The following CLPB variants were observed in gnomAD, a reference collection of about 807,000 sequenced individuals.
CLPB encodes the protein ClpB family mitochondrial disaggregase.
CLPB carries 40 observed loss-of-function variants against 78.4 expected under a neutral mutation model. The ratio of observed to expected loss-of-function variants is 0.51; its 90% CI spans 0.40 to 0.66. The LOEUF (loss-of-function observed/expected upper bound fraction) is 0.66. Among genes scored for constraint, CLPB ranks in the 30% least tolerant of loss-of-function variants. CLPB has a pLI of 0.00. For missense variants in CLPB, 780 were observed against 886.9 expected, an observed-to-expected ratio of 0.88 and a Z score of 1.53; for synonymous variants, 333 against 348.0, an observed-to-expected ratio of 0.96 and a Z score of 0.48.
At position 72,291,956 on chromosome 11, in the gene CLPB, T is replaced by C. The variant is rs1482948904; in HGVS notation, c.*1411A>G. On this transcript the variant is annotated 3_prime_UTR_variant, in exon 16 of 16. Transcript: ENST00000538039. ...TACTCGGGAGGCTGAGGCAGGAGAA[T>C]GGCGTGAACCTGGGAGGCAGGGCTT... The C allele has an allele frequency of 1.4e-5, 2 of 138,806 alleles. No homozygotes were observed. The highest frequency in any genetic ancestry group is 3.0e-5 in the Non-Finnish European group (2 of 66,428). 8.6% of individuals were successfully genotyped at this position (138,806 alleles called of 1,614,324 possible).
At chr11:72,377,255 T>C (rs954476640) in intron 4 of CLPB, among the ~76,000 whole-genome samples, 3 of 152,328 alleles carry the variant, frequency 2.0e-5, no homozygotes, top group Middle Eastern at 3.4e-3. Context: ...ATCCTGACCA[T>C]GTGCTCTAGG....
At chr11:72,375,829 A>C (rs755208074) in intron 4 of CLPB, among the ~76,000 whole-genome samples, 6 of 152,248 alleles carry the variant, frequency 3.9e-5, no homozygotes, top group Non-Finnish European at 8.8e-5. Flanking sequence ...GAAACTAATA[A>C]GCAATTACAA....
chr11:72,370,777 T>C (rs1191293514), intron 4 of CLPB, among the ~76,000 whole-genome samples: 2 of 152,320 alleles, frequency 1.3e-5, no homozygotes, highest in East Asian at 3.9e-4. Context: ...ATCAATATTA[T>C]CTGCTACCCT....
At chr11:72,380,138 C>A in intron 4 of CLPB, 143 bp downstream of exon 4, 1 of 651,338 alleles carries the variant, frequency 1.5e-6, no homozygotes. Context: ...GTTCCAAGCC[C>A]TTTGGGGTCT....
At chr11:72,413,388 T>TG (rs1855934001) in intron 2 of CLPB, among the ~76,000 whole-genome samples, 1 of 151,708 alleles carries the variant, frequency 6.6e-6, no homozygotes, top group African/African-American at 2.4e-5. Flanking sequence ...CCTTTTCTAT[T>TG]TTTTTTTGCT....
rs144832068 is a variant in CLPB, at chr11:72,380,092, CA to C, written c.646+188del. 0.026 allele frequency among the ~76,000 whole-genome samples: 3,945 copies of C among 152,198 alleles called. 184 individuals are homozygous for C. The highest frequency in any genetic ancestry group is 0.091 in the African/African-American group (3,773 of 41,498). ...TTCCCCAAGACTTCTTTTGAAGTGA[CA>C]TAAAGTTAGAGCCAGGGGACTGTGA... On this transcript the variant is annotated intron_variant, in intron 4 of 15. Coordinates refer to ENST00000538039, the MANE Select transcript of CLPB (RefSeq NM_001258392.3).
chr11:72,309,730 C>T (rs529126197), intron 7 of CLPB, among the ~76,000 whole-genome samples: 5 of 152,186 alleles, frequency 3.3e-5, no homozygotes, highest in Admixed American at 3.3e-4. Context: ...AATGGAAACA[C>T]GGCAGTCAGG....
In CLPB at chr11:72,294,307, T is replaced by C; in HGVS notation, c.1680+18A>G. The stretch of plus-strand genomic sequence containing the variant: ...TGGCTGGCTATCCCGCCCCCACCCA[T>C]GGGCAGTTCCCTCTTACTCTCTTGG... On this transcript the variant is annotated intron_variant, in intron 14 of 15. Transcript: ENST00000538039. 6.2e-7 allele frequency: 1 copy of C among 1,605,882 alleles called. No individual in the cohort carries two copies. Among genetic ancestry groups the C allele is most frequent in the African/African-American group, 1.3e-5 (1 of 74,872 alleles).
chr11:72,315,226 G>C (rs555967028), intron 7 of CLPB, among the ~76,000 whole-genome samples: 1 of 152,178 alleles, frequency 6.6e-6, no homozygotes, highest in Non-Finnish European at 1.5e-5. Context: ...CAGAACACAG[G>C]AGATGAGCAG....
intron 6 of CLPB, among the ~76,000 whole-genome samples, chr11:72,319,347 G>A (rs117217761): frequency 0.032 from 4,817 of 152,326 alleles, 116 homozygotes; most frequent in Non-Finnish European, 0.04. Flanking sequence ...CTGGCTCACA[G>A]CAGGCGTCAA....
At chr11:72,380,179 G>T in intron 4 of CLPB, 102 bp downstream of exon 4, 1 of 854,502 alleles carries the variant, frequency 1.2e-6, no homozygotes, top group South Asian at 1.5e-5. Flanking sequence ...AGAACATGCA[G>T]GCTGTCACTC....
rs924979175 is a variant in CLPB, at chr11:72,358,732, G to A, written c.775+148C>T. ...TCTCTAGCTCTAGGAGGATAACAGGGCTCTGGGGAAGTATGTTATTTCCAG... is the reference window on the plus strand; with the variant it reads ...TCTCTAGCTCTAGGAGGATAACAGGACTCTGGGGAAGTATGTTATTTCCAG... On this transcript the variant is annotated intron_variant, in intron 5 of 15. Coordinates refer to ENST00000538039, the MANE Select transcript of CLPB (RefSeq NM_001258392.3). 7.2e-6 allele frequency: 5 copies of A among 699,292 alleles called. No homozygotes were observed. In the African/African-American group the frequency reaches 7.2e-5, roughly 10 times the overall value. 43.3% of individuals were successfully genotyped at this position (699,292 alleles called of 1,614,324 possible).
intron 4 of CLPB, among the ~76,000 whole-genome samples, chr11:72,379,776 T>C (rs544813231): frequency 6.6e-6 from 1 of 152,168 alleles, no homozygotes; most frequent in South Asian, 2.1e-4. Context: ...GCAATTTACA[T>C]TTAGGAGGGG....
At chr11:72,362,616 C>A (rs1950861078) in intron 4 of CLPB, among the ~76,000 whole-genome samples, 1 of 152,206 alleles carries the variant, frequency 6.6e-6, no homozygotes, top group Non-Finnish European at 1.5e-5. Context: ...ATTTACCTAA[C>A]CTCTCTGTGC....
chr11:72,307,390 C>T (rs915923157), intron 8 of CLPB, 136 bp from the exon 9 acceptor site: 6 of 744,118 alleles, frequency 8.1e-6, no homozygotes, highest in East Asian at 7.9e-5. Context: ...AAAGGATCAG[C>T]GACTCTCCCA....
At chr11:72,404,250 G>C (rs1187976115) in intron 2 of CLPB, among the ~76,000 whole-genome samples, 1 of 152,180 alleles carries the variant, frequency 6.6e-6, no homozygotes, top group Non-Finnish European at 1.5e-5. Flanking sequence ...GCTCAAGACA[G>C]CATATCAAAG....
At chr11:72,340,112 T>A (rs749375753) in intron 5 of CLPB, among the ~76,000 whole-genome samples, 9 of 152,162 alleles carry the variant, frequency 5.9e-5, no homozygotes, top group Non-Finnish European at 1.2e-4. Flanking sequence ...ACCCACCCTA[T>A]GGGGACTGCT....
At position 72,289,173 on chromosome 11, in the gene CLPB, G is replaced by A. The variant is rs1323681138; in HGVS notation, c.*4194C>T. The A allele has an allele frequency of 6.6e-6, 1 of 152,262 alleles. No homozygotes were observed. Among genetic ancestry groups the A allele is most frequent in the Non-Finnish European group, 1.5e-5 (1 of 68,096 alleles). 9.4% of individuals were successfully genotyped at this position (152,262 alleles called of 1,614,324 possible). On this transcript the variant is annotated 3_prime_UTR_variant, in exon 16 of 16. Coordinates refer to ENST00000538039, the MANE Select transcript of CLPB (RefSeq NM_001258392.3). ...CAGAGTGTTGGGATTACAGGCATGA[G>A]CCACCACGCCCGGCCAGAAGTGATT...
chr11:72,301,876 G>A lies in CLPB; in HGVS notation c.1256C>T (p.Ala419Val), dbSNP rs150961359. 1.9e-6 allele frequency: 3 copies of A among 1,614,078 alleles called. No homozygotes were observed. The African/African-American group carries it at 4.0e-5, about 22-fold the overall frequency. Residue 419 changes from alanine (A) to valine (V), a missense_variant, in exon 11 of 16, where the codon GCT (alanine) becomes GTT (valine). This residue lies in a region of CLPB where 91 missense variants were observed against 168.2 expected (regional missense o/e 0.54). Transcript: ENST00000538039. ...LTKKLKQCPN[A>V]VVLFDEVDKA... is the part of the protein sequence containing the mutation. ...GTCTACTTCATCAAAGAGCACCACAGCATTGGGGCACTGCTTCAACTTCTT... is the reference window on the plus strand; with the variant it reads ...GTCTACTTCATCAAAGAGCACCACAACATTGGGGCACTGCTTCAACTTCTT...
Sources: allele counts gnomAD v4.1 joint callset (sites outside exome capture counted in the v4.1 genomes callset), GRCh38; gene constraint gnomAD v4.1.1; regional missense constraint gnomAD v4.1.1; transcripts MANE v1.5; gene names NCBI Gene and HGNC (gene_info 2026-07-23, HGNC 2026-07-21).